TRIM72: variants seen among roughly 807,000 people sequenced by gnomAD.
The protein encoded by TRIM72 is tripartite motif containing 72, also known as tripartite motif-containing protein 72.
TRIM72 carries 33 observed loss-of-function variants against 31.6 expected under a neutral mutation model. That is an observed-to-expected ratio of 1.04 (90% confidence interval 0.79 to 1.40). The LOEUF (loss-of-function observed/expected upper bound fraction) is 1.40. TRIM72 is among the 40% of genes most tolerant of loss of function. The pLI is 0.00. For missense variants in TRIM72, 666 were observed against 682.7 expected (o/e 0.98, Z 0.27); for synonymous variants, 301 against 314.4 (o/e 0.96, Z 0.45).
At chr16:31,223,785 T>C (rs938123790) in intron 6 of TRIM72, among the ~76,000 whole-genome samples, 2 of 151,946 alleles carry the variant, frequency 1.3e-5, no homozygotes, top group Admixed American at 6.6e-5. Context: ...CACGTGGCTG[T>C]AGTCCCAGCT....
chr16:31,224,765 C>A lies in TRIM72; in HGVS notation c.*10C>A, dbSNP rs769474036. The stretch of plus-strand genomic sequence containing the variant: ...AGGCGCCGAGGCCTGAGCCGCCGGA[C>A]GGGTAGTGGAGGGGCGCGGGGGCCT... On this transcript the variant is annotated 3_prime_UTR_variant, in exon 7 of 7. Coordinates refer to ENST00000322122, the MANE Select transcript of TRIM72 (RefSeq NM_001008274.4). 9.6e-6 allele frequency: 14 copies of A among 1,462,740 alleles called. No homozygotes were observed. The highest frequency in any genetic ancestry group is 1.4e-5 in the African/African-American group (1 of 69,118). 90.6% of individuals were successfully genotyped at this position (1,462,740 alleles called of 1,614,324 possible).
In TRIM72 at chr16:31,215,976, A is replaced by T. The variant is rs1182688306; in HGVS notation, c.390+848A>T. 1 of 152,192 alleles carries T rather than the reference A, an allele frequency of 6.6e-6. No individual in the cohort carries two copies. Among genetic ancestry groups the T allele is most frequent in the African/African-American group, 2.4e-5 (1 of 41,432 alleles). The allele number at this position is 152,192 out of a possible 1,614,324, so 9.4% of individuals were successfully genotyped here. On this transcript the variant is annotated intron_variant, in intron 2 of 6. Coordinates refer to ENST00000322122, the MANE Select transcript of TRIM72 (RefSeq NM_001008274.4). This position sits in a 1 kb window ranked among gnomAD's most constrained non-coding sequence, Gnocchi z 6.3. ...CGCAGCCCCAGTAAAGTCTGCCATG[A>T]ATATTTATTGGGCAGTGGAAGAATA...
Position 31,214,240 on chromosome 16 carries a change from T to C in TRIM72, c.-65T>C. On this transcript the variant is annotated 5_prime_UTR_variant, in exon 1 of 7. Coordinates refer to ENST00000322122, the MANE Select transcript of TRIM72 (RefSeq NM_001008274.4). The stretch of plus-strand genomic sequence containing the variant: ...AGCCCTGACCCCAGTCCAGCTAAGC[T>C]CAACCCTGACCGGTCCTCCTTCGAG... The C allele has an allele frequency of 6.5e-6, 1 of 153,900 alleles. No individual in the cohort carries two copies. The highest frequency in any genetic ancestry group is 6.5e-5 in the Admixed American group (1 of 15,312). The allele number at this position is 153,900 out of a possible 1,614,324, so 9.5% of individuals were successfully genotyped here.
intron 5 of TRIM72, among the ~76,000 whole-genome samples, chr16:31,221,168 G>A (rs12929077): frequency 0.6 from 90,919 of 152,104 alleles, 28,271 homozygotes; most frequent in Middle Eastern, 0.81. Context: ...CAGTGTGGCC[G>A]TTGAGGGAAA....
intron 6 of TRIM72, 26 bp from the exon 7 acceptor site, chr16:31,224,155 T>C (rs548304381): frequency 6.3e-7 from 1 of 1,596,014 alleles, no homozygotes; most frequent in East Asian, 2.2e-5. Context: ...AAACCTAGGG[T>C]TTTCTGACCG....
intron 6 of TRIM72, among the ~76,000 whole-genome samples, chr16:31,223,275 C>A (rs1181340175): frequency 6.6e-6 from 1 of 152,096 alleles, no homozygotes; most frequent in East Asian, 1.9e-4. Context: ...ATAAATCCTG[C>A]CAATTGGGGA....
rs1208421102 is a variant in TRIM72 at position 31,225,586 on chromosome 16, A to C, written c.*831A>C. 6.6e-6 allele frequency: 1 copy of C among 150,578 alleles called. No homozygotes were observed. Among genetic ancestry groups the C allele is most frequent in the Non-Finnish European group, 1.5e-5 (1 of 67,772 alleles). The allele number at this position is 150,578 out of a possible 1,614,324, so 9.3% of individuals were successfully genotyped here. A position where few individuals can be genotyped will look rare whatever the true frequency, so the allele number is the denominator to read the frequency against. On this transcript the variant is annotated 3_prime_UTR_variant, in exon 7 of 7. Transcript: ENST00000322122. Reference sequence around the variant, plus strand: ...ATGACTTGTTAAAGCATAGGGTGCTAAGTTTCTGATTTAGTAGGTTGGACA... The same window carrying C: ...ATGACTTGTTAAAGCATAGGGTGCTCAGTTTCTGATTTAGTAGGTTGGACA...
intron 5 of TRIM72, among the ~76,000 whole-genome samples, chr16:31,222,445 G>A (rs1246818284): frequency 7.1e-6 from 1 of 141,758 alleles, no homozygotes; most frequent in Non-Finnish European, 1.5e-5. Context: ...AATAATACAT[G>A]TAACATAAAA....
chr16:31,220,058 T>G (rs1192819185), intron 4 of TRIM72, among the ~76,000 whole-genome samples: 2 of 130,510 alleles, frequency 1.5e-5, no homozygotes, highest in African/African-American at 5.9e-5. Flanking sequence ...CCACCGCGCC[T>G]GGTCTTTTTT....
In TRIM72 at chr16:31,224,223, G is replaced by C; in HGVS notation, c.902G>C (p.Ser301Thr). 1 of 1,604,630 alleles carries C rather than the reference G, an allele frequency of 6.2e-7. No homozygotes were observed. Among genetic ancestry groups the C allele is most frequent in the Non-Finnish European group, 8.5e-7 (1 of 1,179,882 alleles). The change falls in exon 7 of 7, where the codon AGC becomes ACC. Residue 301 changes from serine to threonine, a missense_variant. Ser to Thr is a moderately conservative substitution (Grantham distance 58). Transcript: ENST00000322122. ...TTTGACCCGAGCTCTGCGCACCCGA[G>C]CCTGGTGGTGTCTTCCTCTGGCCGC... ...LTFDPSSAHP[S>T]LVVSSSGRRV...
In TRIM72 at chr16:31,224,225, C is replaced by T; in HGVS notation, c.904C>T (p.Leu302=). Residue 302 remains leucine, a synonymous_variant, in exon 7 of 7, where the codon CTG becomes TTG. Transcript: ENST00000322122. ...TFDPSSAHPS[L]VVSSSGRRVE... is the part of the protein sequence containing the mutation. ...TGACCCGAGCTCTGCGCACCCGAGC[C>T]TGGTGGTGTCTTCCTCTGGCCGCCG... is the stretch of plus-strand genomic sequence containing the variant. The T allele has an allele frequency of 6.2e-7, 1 of 1,604,714 alleles. No homozygotes were observed. Among genetic ancestry groups the T allele is most frequent in the South Asian group, 1.1e-5 (1 of 91,062 alleles).
chr16:31,216,936 C>A lies in TRIM72; in HGVS notation c.390+1808C>A. Reference sequence around the variant, plus strand: ...GGATGCGCTCAAAGCCCTCGCGCAGCGGCACCGTCCCCAGCTTCATCTTGA... The same window carrying A: ...GGATGCGCTCAAAGCCCTCGCGCAGAGGCACCGTCCCCAGCTTCATCTTGA... On this transcript the variant is annotated intron_variant, in intron 2 of 6. Transcript: ENST00000322122. This position sits in a 1 kb window ranked among gnomAD's most constrained non-coding sequence, Gnocchi z 6.7. 3 of 1,614,154 alleles carry A rather than the reference C, an allele frequency of 1.9e-6. No individual in the cohort carries two copies. Among genetic ancestry groups the A allele is most frequent in the Non-Finnish European group, 2.5e-6 (3 of 1,180,034 alleles).
At position 31,215,290 on chromosome 16, in the gene TRIM72, T is replaced by C. The variant is rs1335484562; in HGVS notation, c.390+162T>C. On this transcript the variant is annotated intron_variant, in intron 2 of 6. Coordinates refer to ENST00000322122, the MANE Select transcript of TRIM72 (RefSeq NM_001008274.4). The surrounding 1 kb of genome is among the most constrained non-coding windows in gnomAD (Gnocchi z 6.3). ...GGCGAAGCAGCCAGGAAAGAGGGTC[T>C]GAGGAGCTTAAGGCGGGGCTGGCAG... Among the ~76,000 whole-genome samples, 1 of 151,922 alleles carries C rather than the reference T, an allele frequency of 6.6e-6. No individual in the cohort carries two copies. The highest frequency in any genetic ancestry group is 1.5e-5 in the Non-Finnish European group (1 of 67,942).
intron 2 of TRIM72, among the ~76,000 whole-genome samples, chr16:31,218,715 G>A (rs1248529270): frequency 6.6e-6 from 1 of 151,996 alleles, no homozygotes; most frequent in Non-Finnish European, 1.5e-5. Flanking sequence ...TGCTGGGCAC[G>A]GTGGTGTGTG....
In TRIM72 at chr16:31,216,443, A is replaced by G. The variant is rs2079508950; in HGVS notation, c.390+1315A>G. On this transcript the variant is annotated intron_variant, in intron 2 of 6. Coordinates refer to ENST00000322122, the MANE Select transcript of TRIM72 (RefSeq NM_001008274.4). This position sits in a 1 kb window ranked among gnomAD's most constrained non-coding sequence, Gnocchi z 6.7. ...CCGCTAAAAAAAAAACAAAAAACAA[A>G]CAAACAAAAAAAACCCAACCTCGCC... 2.7e-6 allele frequency: 1 copy of G among 368,072 alleles called. No individual in the cohort carries two copies. The highest frequency in any genetic ancestry group is 4.9e-6 in the Non-Finnish European group (1 of 204,786). The allele number at this position is 368,072 out of a possible 1,614,324, so 22.8% of individuals were successfully genotyped here.
Position 31,224,048 on chromosome 16 carries a change from G to T in TRIM72, c.860-133G>T, listed in dbSNP as rs2079544682. On this transcript the variant is annotated intron_variant, in intron 6 of 6. Coordinates refer to ENST00000322122, the MANE Select transcript of TRIM72 (RefSeq NM_001008274.4). ...GGCAAACTGAAGTTGAGCCAGGTGTGATCTTGTGGCCCAAGCCCAGTGAGC... is the reference window on the plus strand; with the variant it reads ...GGCAAACTGAAGTTGAGCCAGGTGTTATCTTGTGGCCCAAGCCCAGTGAGC... 32 of 1,046,530 alleles carry T rather than the reference G, an allele frequency of 3.1e-5. No individual in the cohort carries two copies. The South Asian group carries it at 3.9e-4, about 13-fold the overall frequency. 64.8% of individuals were successfully genotyped at this position (1,046,530 alleles called of 1,614,324 possible). A position where few individuals can be genotyped will look rare whatever the true frequency, so the allele number is the denominator to read the frequency against.
rs954165083 is a variant in TRIM72, at chr16:31,230,354, C to T, written c.*5599C>T. The T allele has an allele frequency of 1.3e-5, 2 of 152,180 alleles. No individual in the cohort carries two copies. The highest frequency in any genetic ancestry group is 2.9e-5 in the Non-Finnish European group (2 of 68,060). 9.4% of individuals were successfully genotyped at this position (152,180 alleles called of 1,614,324 possible). Reference sequence around the variant, plus strand: ...AAAAATGATGTAATGCATGTCTCAACTGAATAACTGTCTTTGTTTCTTGCT... The same window carrying T: ...AAAAATGATGTAATGCATGTCTCAATTGAATAACTGTCTTTGTTTCTTGCT... On this transcript the variant is annotated 3_prime_UTR_variant, in exon 7 of 7. Transcript: ENST00000322122.
At position 31,219,417 on chromosome 16, in the gene TRIM72, G is replaced by A. The variant is rs762664535; in HGVS notation, c.615G>A (p.Leu205=). 1 of 1,613,662 alleles carries A rather than the reference G, an allele frequency of 6.2e-7. No individual in the cohort carries two copies. The highest frequency in any genetic ancestry group is 1.7e-5 in the Admixed American group (1 of 59,892). The change falls in exon 4 of 7, where the codon TTG becomes TTA. Residue 205 remains leucine (L), a synonymous_variant. Coordinates refer to ENST00000322122, the MANE Select transcript of TRIM72 (RefSeq NM_001008274.4). The surrounding 1 kb of genome is among the most constrained non-coding windows in gnomAD (Gnocchi z 4.2). Reference sequence around the variant, plus strand: ...TACGGGGTGAGGCAGGGGTCGCCTTGCGCCGGGAGCTGGGGAGCCTGAACT... The same window carrying A: ...TACGGGGTGAGGCAGGGGTCGCCTTACGCCGGGAGCTGGGGAGCCTGAACT... ...ERVRGEAGVA[L]RRELGSLNSY...
chr16:31,221,653 G>T (rs575795559), intron 5 of TRIM72, among the ~76,000 whole-genome samples: 178 of 131,614 alleles, frequency 1.4e-3, no homozygotes, highest in African/African-American at 5.0e-3. Context: ...GAGAAGAAGG[G>T]CATTGCTAGG....
Sources: gnomAD v4.1 joint callset for allele counts (sites outside exome capture counted in the v4.1 genomes callset) on GRCh38, gnomAD v4.1.1 for gene constraint, Gnocchi (gnomAD v3.1) non-coding constraint, MANE v1.5 for transcripts, NCBI Gene and HGNC (gene_info 2026-07-23, HGNC 2026-07-21) for gene names.